The following DCP1B variants were observed in gnomAD, a reference collection of about 807,000 sequenced individuals.
The protein encoded by DCP1B is mRNA-decapping enzyme 1B.
A neutral mutation model predicts 60.5 loss-of-function variants in DCP1B; 47 were observed. The ratio of observed to expected loss-of-function variants is 0.78; its 90% CI spans 0.61 to 0.99. DCP1B has a LOEUF of 0.99. Ranked by LOEUF, DCP1B falls within the 50% of genes least tolerant of loss-of-function variation. DCP1B has a pLI of 0.00. For synonymous variants in DCP1B, 267 were observed against 280.3 expected (o/e 0.95, Z 0.47); for missense variants, 725 against 756.8 (o/e 0.96, Z 0.49).
chr12:1,963,849 A>T (rs916482945), intron 5 of DCP1B, among the ~76,000 whole-genome samples: 1 of 152,230 alleles, frequency 6.6e-6, no homozygotes, highest in African/African-American at 2.4e-5. Context: ...CAAGAGTGAG[A>T]AACTCTATTT....
Position 1,998,282 on chromosome 12 carries a change from C to T in DCP1B, c.151-307G>A, listed in dbSNP as rs373980930. Among the ~76,000 whole-genome samples, 26 of 152,290 alleles carry T rather than the reference C, an allele frequency of 1.7e-4. No homozygotes were observed. The East Asian group carries it at 2.5e-3, about 15-fold the overall frequency. ...ACAATGAGAAAATAAGTGTGCTATGCGGATTTAATTAGAAAGAAGAGTGCT... is the reference window on the plus strand; with the variant it reads ...ACAATGAGAAAATAAGTGTGCTATGTGGATTTAATTAGAAAGAAGAGTGCT... On this transcript the variant is annotated intron_variant, in intron 1 of 8. Coordinates refer to ENST00000280665, the MANE Select transcript of DCP1B (RefSeq NM_152640.5).
At chr12:1,967,945 T>G (rs1386327684) in intron 3 of DCP1B, 35 bp from the exon 4 acceptor site, 1 of 1,557,756 alleles carries the variant, frequency 6.4e-7, no homozygotes, top group African/African-American at 1.4e-5. Context: ...ATTATGAGCA[T>G]CTTCAAAACT....
At chr12:1,999,472 G>C (rs971991157) in intron 1 of DCP1B, among the ~76,000 whole-genome samples, 3 of 152,188 alleles carry the variant, frequency 2.0e-5, no homozygotes, top group Admixed American at 1.3e-4. Flanking sequence ...AGCACTCTGG[G>C]AGGCTGAGGC....
chr12:1,966,949 G>A (rs1200474708), intron 4 of DCP1B, among the ~76,000 whole-genome samples: 2 of 152,180 alleles, frequency 1.3e-5, no homozygotes, highest in Non-Finnish European at 2.9e-5. Context: ...TGCACACAGA[G>A]CTACAGTGTC....
At chr12:1,963,365 C>A (rs1358549050) in intron 5 of DCP1B, among the ~76,000 whole-genome samples, 1 of 152,216 alleles carries the variant, frequency 6.6e-6, no homozygotes, top group Admixed American at 6.5e-5. Context: ...AACAGCTCTC[C>A]CTCATTGACC....
intron 3 of DCP1B, among the ~76,000 whole-genome samples, chr12:1,986,017 G>A (rs1161901564): frequency 6.6e-6 from 1 of 152,142 alleles, no homozygotes; most frequent in East Asian, 1.9e-4. Context: ...GTTTCACCGT[G>A]TTAGCCAGGA....
chr12:1,964,406 T>G (rs1431135473), intron 5 of DCP1B, among the ~76,000 whole-genome samples: 1 of 152,180 alleles, frequency 6.6e-6, no homozygotes, highest in Non-Finnish European at 1.5e-5. Context: ...TCTATTTGCT[T>G]GTGTTGTATT....
downstream of DCP1B, among the ~76,000 whole-genome samples, chr12:1,945,299 G>C (rs1490101937): frequency 6.6e-6 from 1 of 152,194 alleles, no homozygotes; most frequent in Non-Finnish European, 1.5e-5. Context: ...AGAGGATGTG[G>C]AGAAACAGGA....
intron 5 of DCP1B, among the ~76,000 whole-genome samples, chr12:1,958,258 C>T (rs945588732): frequency 1.3e-4 from 17 of 133,348 alleles, no homozygotes; most frequent in African/African-American, 2.5e-4. Context: ...AAAAGCTCCC[C>T]AACGTTGCTC....
intron 3 of DCP1B, among the ~76,000 whole-genome samples, chr12:1,977,599 C>T (rs1476195318): frequency 1.2e-4 from 18 of 152,000 alleles, no homozygotes; most frequent in African/African-American, 3.6e-4. Context: ...TATTTGGCAC[C>T]ACAGAATATA....
Position 1,971,217 on chromosome 12 carries a change from G to A in DCP1B, c.320-3307C>T, listed in dbSNP as rs1158548040. On this transcript the variant is annotated intron_variant, in intron 3 of 8. Coordinates refer to ENST00000280665, the MANE Select transcript of DCP1B (RefSeq NM_152640.5). This position sits in a 1 kb window ranked among gnomAD's most constrained non-coding sequence, Gnocchi z 4.2. ...TCTCCTGGAGGTAAGAAACCCTAAAGTGAAATAAAGAGTAGGAAGAACATG... is the reference window on the plus strand; with the variant it reads ...TCTCCTGGAGGTAAGAAACCCTAAAATGAAATAAAGAGTAGGAAGAACATG... The A allele has an allele frequency of 1.6e-6, 2 of 1,270,498 alleles. No homozygotes were observed. The highest frequency in any genetic ancestry group is 1.1e-4 in the East Asian group (2 of 17,904). 78.7% of individuals were successfully genotyped at this position (1,270,498 alleles called of 1,614,324 possible).
chr12:1,977,318 G>A lies in DCP1B; in HGVS notation c.320-9408C>T, dbSNP rs983313048. On this transcript the variant is annotated intron_variant, in intron 3 of 8. Transcript: ENST00000280665. ...CAGCTGTGGCTACTGGTTTGCCTTCGTTGGAGAGGTGTCATTCTCCGTCTC... is the reference window on the plus strand; with the variant it reads ...CAGCTGTGGCTACTGGTTTGCCTTCATTGGAGAGGTGTCATTCTCCGTCTC... 4.6e-5 allele frequency among the ~76,000 whole-genome samples: 7 copies of A among 152,156 alleles called. No homozygotes were observed. In the South Asian group the frequency reaches 6.2e-4, roughly 14 times the overall value.
rs888755198 is a variant in DCP1B at position 1,962,354 on chromosome 12, C to T, written c.522+3204G>A. On this transcript the variant is annotated intron_variant, in intron 5 of 8. Coordinates refer to ENST00000280665, the MANE Select transcript of DCP1B (RefSeq NM_152640.5). The surrounding 1 kb of genome is among the most constrained non-coding windows in gnomAD (Gnocchi z 4.4). ...TGGCTGGTCACAGGAGGGGCAGTCT[C>T]CCCAGCCAGAAAGGATTTTAAGATG... Among the ~76,000 whole-genome samples, 4 of 152,038 alleles carry T rather than the reference C, an allele frequency of 2.6e-5. No homozygotes were observed. In the East Asian group the frequency reaches 7.7e-4, roughly 29 times the overall value.
intron 1 of DCP1B, among the ~76,000 whole-genome samples, chr12:2,003,543 G>GT (rs1340412576): frequency 6.6e-6 from 1 of 152,176 alleles, no homozygotes; most frequent in African/African-American, 2.4e-5. Flanking sequence ...GGATTCCAGT[G>GT]TTCTAGGCTT....
chr12:1,984,659 C>T (rs186912625), intron 3 of DCP1B, among the ~76,000 whole-genome samples: 11 of 151,270 alleles, frequency 7.3e-5, no homozygotes, highest in South Asian at 6.3e-4. Flanking sequence ...TGTAATTACC[C>T]GTATATTTAC....
At chr12:1,959,959 C>CAAA (rs34121456) in intron 5 of DCP1B, among the ~76,000 whole-genome samples, 1 of 125,692 alleles carries the variant, frequency 8.0e-6, no homozygotes, top group African/African-American at 3.0e-5. Flanking sequence ...GACTCCGTCT[C>CAAA]AAAAAAAAAA....
intron 3 of DCP1B, among the ~76,000 whole-genome samples, chr12:1,990,243 A>G (rs2039011285): frequency 6.6e-6 from 1 of 152,252 alleles, no homozygotes; most frequent in South Asian, 2.1e-4. Context: ...AAACCTGAAC[A>G]TAGTGTTTGG....
At chr12:1,952,064 C>T (rs1293013987) in intron 7 of DCP1B, among the ~76,000 whole-genome samples, 1 of 152,240 alleles carries the variant, frequency 6.6e-6, no homozygotes, top group Non-Finnish European at 1.5e-5. Flanking sequence ...AATCAAGATG[C>T]ACGGAGGTGC....
chr12:1,969,487 G>A (rs1437019006), intron 3 of DCP1B, among the ~76,000 whole-genome samples: 1 of 151,578 alleles, frequency 6.6e-6, no homozygotes, highest in Non-Finnish European at 1.5e-5. Context: ...TCCTTGAACA[G>A]GACCATTTTA....
Sources: allele counts gnomAD v4.1 joint callset (sites outside exome capture counted in the v4.1 genomes callset), GRCh38; gene constraint gnomAD v4.1.1; non-coding constraint Gnocchi (gnomAD v3.1); transcripts MANE v1.5; gene names NCBI Gene and HGNC (gene_info 2026-07-23, HGNC 2026-07-21).